Variants in KIF1A observed in about 807,000 individuals in gnomAD.
KIF1A encodes kinesin family member 1A.
KIF1A carries 46 observed loss-of-function variants against 227.3 expected under a neutral mutation model. The observed-to-expected ratio is 0.20, with a 90% confidence interval of 0.16 to 0.26. The LOEUF is 0.26. Among genes scored for constraint, KIF1A ranks in the 10% least tolerant of loss-of-function variants. The probability of loss-of-function intolerance (pLI) is 1.00; values close to 1 mark genes in which losing one functional copy is unlikely to be tolerated. For missense variants in KIF1A, 1,683 were observed against 2,485.9 expected (o/e 0.68, Z 6.87); for synonymous variants, 1,022 against 1,012.8 (o/e 1.01, Z -0.17).
In KIF1A at chr2:240,742,984, G is replaced by A. The variant is rs907370883; in HGVS notation, c.3585C>T (p.Ser1195=). The A allele has an allele frequency of 6.8e-6, 11 of 1,608,514 alleles. 1 individual carries two copies. Among genetic ancestry groups the A allele is most frequent in the African/African-American group, 6.7e-5 (5 of 74,846 alleles). Residue 1195 remains serine, a splice_region_variant and synonymous_variant, in exon 34 of 49, where the codon AGC becomes AGT. Transcript: ENST00000498729. ...PFPPLCKDVL[S]PLRPSRRHFP... ...AGTGGCGGCGCGAGGGCCTCAGGGG[G>A]CTGTGGAGAAAGGACCAGTGTGAGG...
At chr2:240,777,248 G>A (rs958049419) in intron 10 of KIF1A, among the ~76,000 whole-genome samples, 4 of 152,156 alleles carry the variant, frequency 2.6e-5, no homozygotes, top group Non-Finnish European at 4.4e-5. Flanking sequence ...GTTTCACCAC[G>A]TTGGCCAGGA....
rs1443642825 is a variant in KIF1A, at chr2:240,789,338, G to A, written c.107-26C>T. 1.9e-6 allele frequency: 3 copies of A among 1,592,870 alleles called. No homozygotes were observed. Among genetic ancestry groups the A allele is most frequent in the Non-Finnish European group, 1.7e-6 (2 of 1,160,924 alleles). ...CTGTGGGAGGGAACACAGGTGGTTA[G>A]CGCTGTGCTGGGAGGGCCCCTGACT... On this transcript the variant is annotated intron_variant, in intron 2 of 48. Transcript: ENST00000498729. The surrounding 1 kb of genome is among the most constrained non-coding windows in gnomAD (Gnocchi z 4.8).
rs760166545 is a variant in KIF1A at position 240,744,001 on chromosome 2, G to A, written c.3525C>T (p.Phe1175=). The A allele has an allele frequency of 1.4e-5, 22 of 1,613,798 alleles. No homozygotes were observed. Among genetic ancestry groups the A allele is most frequent in the Admixed American group, 1.0e-4 (6 of 60,020 alleles). ...IEYIKSQPIV[F]EVFGHYQQHP... The stretch of plus-strand genomic sequence containing the variant: ...GCTGCTGGTAGTGGCCAAAGACCTC[G>A]AAAACAATGGGCTGGCTCTTGATGT... Residue 1175 remains phenylalanine (F), a synonymous_variant, in exon 33 of 49, where the codon TTC becomes TTT. Coordinates refer to ENST00000498729, the MANE Select transcript of KIF1A (RefSeq NM_001244008.2).
chr2:240,742,653 C>T (rs1414107970), intron 34 of KIF1A, among the ~76,000 whole-genome samples: 1 of 152,158 alleles, frequency 6.6e-6, no homozygotes, highest in African/African-American at 2.4e-5. Context: ...AGCTGAGATG[C>T]CTGAAGTCCC....
rs2125716745 is a variant in KIF1A, at chr2:240,736,881, G to A, written c.4007+182C>T. ...AACCAGCAACGAGGTGCACAAACGAGGAGCCGGGGGTGCAGAGGCCACCAG... is the reference window on the plus strand; with the variant it reads ...AACCAGCAACGAGGTGCACAAACGAAGAGCCGGGGGTGCAGAGGCCACCAG... On this transcript the variant is annotated intron_variant, in intron 38 of 48. Coordinates refer to ENST00000498729, the MANE Select transcript of KIF1A (RefSeq NM_001244008.2). The surrounding 1 kb of genome is among the most constrained non-coding windows in gnomAD (Gnocchi z 4.7). 6.6e-6 allele frequency among the ~76,000 whole-genome samples: 1 copy of A among 152,316 alleles called. No individual in the cohort carries two copies. The highest frequency in any genetic ancestry group is 1.9e-4 in the East Asian group (1 of 5,172).
At chr2:240,738,947 A>G (rs1321587983) in intron 37 of KIF1A, among the ~76,000 whole-genome samples, 1 of 152,226 alleles carries the variant, frequency 6.6e-6, no homozygotes, top group Admixed American at 6.5e-5. Flanking sequence ...GGGTCCATAA[A>G]CCAGCTGTGT....
In KIF1A at chr2:240,757,574, T is replaced by C. The variant is rs1320287865; in HGVS notation, c.2603A>G (p.Asn868Ser). The change falls in exon 27 of 49, where the codon AAC becomes AGC. Residue 868 changes from asparagine to serine, a missense_variant. Coordinates refer to ENST00000498729, the MANE Select transcript of KIF1A (RefSeq NM_001244008.2). This position sits in a 1 kb window ranked among gnomAD's most constrained non-coding sequence, Gnocchi z 6.2. ...GCATGTGTTGAGAAGAGGGTAGCTG[T>C]TGCAGCCAGAGATGGCTGAACTGAG... The part of the protein sequence containing the change: ...LVGSSAISGC[N>S]SYPLLNTCMS... 91 of 1,550,340 alleles carry C rather than the reference T, an allele frequency of 5.9e-5. No homozygotes were observed. The highest frequency in any genetic ancestry group is 7.8e-5 in the Non-Finnish European group (89 of 1,146,914).
intron 27 of KIF1A, among the ~76,000 whole-genome samples, chr2:240,755,256 G>A: frequency 6.6e-6 from 1 of 152,240 alleles, no homozygotes; most frequent in East Asian, 1.9e-4. Flanking sequence ...TGCTGGATAG[G>A]CCTTCCGCAG....
In KIF1A at chr2:240,774,212, G is replaced by A. The variant is rs1205020961; in HGVS notation, c.1008C>T (p.Ile336=). ...AMVAALSPAD[I]NYDETLSTLR... Reference sequence around the variant, plus strand: ...GCGTGCTAAGGGTCTCATCGTAGTTGATGTCTGCAGGACTCAAGGCTGCCA... The same window carrying A: ...GCGTGCTAAGGGTCTCATCGTAGTTAATGTCTGCAGGACTCAAGGCTGCCA... Residue 336 remains isoleucine, a synonymous_variant, in exon 12 of 49, where the codon ATC becomes ATT. Coordinates refer to ENST00000498729, the MANE Select transcript of KIF1A (RefSeq NM_001244008.2). The A allele has an allele frequency of 6.2e-7, 1 of 1,608,714 alleles. No individual in the cohort carries two copies. The highest frequency in any genetic ancestry group is 1.1e-5 in the South Asian group (1 of 90,482).
intron 1 of KIF1A, among the ~76,000 whole-genome samples, chr2:240,811,416 G>A (rs2057854514): frequency 6.6e-6 from 1 of 152,208 alleles, no homozygotes; most frequent in African/African-American, 2.4e-5. Context: ...TCAAGAAGTT[G>A]TTCTGTCAGC....
chr2:240,761,922 C>A (rs1018412429), intron 23 of KIF1A, among the ~76,000 whole-genome samples: 1 of 152,074 alleles, frequency 6.6e-6, no homozygotes, highest in Non-Finnish European at 1.5e-5. Context: ...GGCCCTGGCC[C>A]GTACACTCTC....
intron 1 of KIF1A, among the ~76,000 whole-genome samples, chr2:240,819,616 C>T (rs1332388778): frequency 6.6e-6 from 1 of 151,822 alleles, no homozygotes; most frequent in African/African-American, 2.4e-5. Context: ...GCTCTCCCCT[C>T]GGGCCGAGGC....
chr2:240,767,568 C>T (rs751446898), intron 17 of KIF1A, among the ~76,000 whole-genome samples: 8 of 152,370 alleles, frequency 5.3e-5, no homozygotes, highest in Middle Eastern at 3.4e-3. Flanking sequence ...CGGTGGGACC[C>T]GACCACCCGC....
intron 38 of KIF1A, chr2:240,734,754 CACAA>C (rs756785955): frequency 3.8e-6 from 5 of 1,304,716 alleles, no homozygotes; most frequent in Non-Finnish European, 5.1e-6. Flanking sequence ...GCCTGCAAAA[CACAA>C]ACAATCACAC....
intron 1 of KIF1A, among the ~76,000 whole-genome samples, chr2:240,800,579 C>T (rs572886585): frequency 1.6e-4 from 24 of 152,242 alleles, no homozygotes; most frequent in Middle Eastern, 3.4e-3. Flanking sequence ...TGCTGAGGGA[C>T]GGAGGAAGCT....
chr2:240,802,099 A>G (rs1468721209), intron 1 of KIF1A, among the ~76,000 whole-genome samples: 3 of 146,896 alleles, frequency 2.0e-5, no homozygotes, highest in African/African-American at 8.0e-5. Context: ...TCAGCCAGAA[A>G]AAAAAAAAAA....
At chr2:240,819,220 C>T (rs2058545456) in intron 1 of KIF1A, among the ~76,000 whole-genome samples, 1 of 152,128 alleles carries the variant, frequency 6.6e-6, no homozygotes, top group Non-Finnish European at 1.5e-5. Flanking sequence ...TGAGGAGCGG[C>T]TTAAAGCGGG....
At chr2:240,745,579 T>C in intron 31 of KIF1A, 62 bp from the exon 32 acceptor site, 2 of 1,511,254 alleles carry the variant, frequency 1.3e-6, no homozygotes, top group South Asian at 2.4e-5. Context: ...CCTTACCAGG[T>C]GGAACCCACC....
chr2:240,767,158 G>A (rs1285370574), intron 18 of KIF1A, 108 bp downstream of exon 18: 20 of 1,155,412 alleles, frequency 1.7e-5, no homozygotes, highest in Non-Finnish European at 1.9e-5. Context: ...CGCTGGGGAA[G>A]TCCAAACTCA....
Sources: gnomAD v4.1 joint callset for allele counts (sites outside exome capture counted in the v4.1 genomes callset) on GRCh38, gnomAD v4.1.1 for gene constraint, Gnocchi (gnomAD v3.1) non-coding constraint, MANE v1.5 for transcripts, NCBI Gene and HGNC (gene_info 2026-07-23, HGNC 2026-07-21) for gene names.